Variants in ACKR5 observed in about 807,000 individuals in gnomAD.
ACKR5 encodes G protein-coupled receptor 182.
the ACKR5 span, chr12:56,996,489 TG>T: frequency 2.8e-6 from 4 of 1,452,488 alleles, no homozygotes; most frequent in Non-Finnish European, 3.7e-6. Flanking sequence ...GTGGGAGATT[TG>T]GGGGGATGTA....
At chr12:56,995,605 C>T in the ACKR5 span, 18 of 1,614,046 alleles carry the variant, frequency 1.1e-5, no homozygotes, top group Admixed American at 3.0e-4. The surrounding 1 kb of genome is among the most constrained non-coding windows in gnomAD (Gnocchi z 4.7). Flanking sequence ...CTCACTACTT[C>T]TACTTTGTCA....
the ACKR5 span, chr12:56,995,613 T>G: frequency 6.2e-7 from 1 of 1,614,162 alleles, no homozygotes; most frequent in Non-Finnish European, 8.5e-7. The surrounding 1 kb of genome is among the most constrained non-coding windows in gnomAD (Gnocchi z 4.7). Flanking sequence ...TTCTACTTTG[T>G]CAACATGTAT....
the ACKR5 span, chr12:56,995,375 C>G: frequency 3.1e-6 from 5 of 1,614,232 alleles, no homozygotes; most frequent in Non-Finnish European, 4.2e-6. The surrounding 1 kb of genome is among the most constrained non-coding windows in gnomAD (Gnocchi z 4.7). Flanking sequence ...GCGCGTGGTC[C>G]TCTTTGCCCT....
chr12:56,995,246 GA>G, the ACKR5 span: 2 of 1,613,994 alleles, frequency 1.2e-6, no homozygotes, highest in Non-Finnish European at 1.7e-6. The surrounding 1 kb of genome is among the most constrained non-coding windows in gnomAD (Gnocchi z 4.7). Flanking sequence ...TGGCCCCTCG[GA>G]GGGGGTCACC....
At chr12:56,998,804 C>A in the ACKR5 span, 1 of 152,612 alleles carries the variant, frequency 6.6e-6, no homozygotes, top group Non-Finnish European at 1.5e-5. Context: ...CAGGTATGAG[C>A]ATATTCATAG....
the ACKR5 span, among the ~76,000 whole-genome samples, chr12:56,994,941 G>A: frequency 2.0e-5 from 3 of 151,666 alleles, no homozygotes; most frequent in Non-Finnish European, 2.9e-5. Flanking sequence ...TGGGGGTGGG[G>A]AGAAATGTTG....
chr12:56,996,163 C>T, the ACKR5 span: 2 of 1,614,128 alleles, frequency 1.2e-6, no homozygotes, highest in Non-Finnish European at 1.7e-6. Flanking sequence ...TCAACCCCAT[C>T]CTTTACAACT....
the ACKR5 span, chr12:56,996,036 T>C: frequency 1.9e-6 from 3 of 1,610,902 alleles, no homozygotes; most frequent in South Asian, 2.2e-5. Flanking sequence ...CCCTATCATG[T>C]GACCCTGCTG....
the ACKR5 span, chr12:56,995,227 C>T: frequency 3.1e-6 from 5 of 1,613,256 alleles, no homozygotes; most frequent in Non-Finnish European, 4.2e-6. The surrounding 1 kb of genome is among the most constrained non-coding windows in gnomAD (Gnocchi z 4.7). Context: ...TGAAACCCAG[C>T]TGGGGGCCTG....
the ACKR5 span, chr12:56,996,675 A>C: frequency 6.6e-6 from 3 of 457,102 alleles, no homozygotes; most frequent in African/African-American, 6.0e-5. Context: ...AATGGAAGAG[A>C]TAGCCATGGA....
At chr12:56,994,757 C>T in the ACKR5 span, 4 of 176,898 alleles carry the variant, frequency 2.3e-5, no homozygotes, top group South Asian at 1.3e-4. Context: ...GTGTGGTGTG[C>T]GTGTGTGTGT....
the ACKR5 span, chr12:56,995,374 CCT>C: frequency 6.2e-7 from 1 of 1,614,206 alleles, no homozygotes; most frequent in South Asian, 1.1e-5. The surrounding 1 kb of genome is among the most constrained non-coding windows in gnomAD (Gnocchi z 4.7). Context: ...AGCGCGTGGT[CCT>C]CTTTGCCCTC....
chr12:56,996,611 C>T, the ACKR5 span: 2 of 561,618 alleles, frequency 3.6e-6, no homozygotes, highest in African/African-American at 3.8e-5. Context: ...CAGTGTTGTA[C>T]TATTTGTCTC....
the ACKR5 span, chr12:56,995,521 G>A: frequency 6.2e-7 from 1 of 1,614,166 alleles, no homozygotes; most frequent in East Asian, 2.2e-5. The surrounding 1 kb of genome is among the most constrained non-coding windows in gnomAD (Gnocchi z 4.7). Flanking sequence ...GCATTGTCCT[G>A]TCTCTGCCCG....
the ACKR5 span, chr12:56,996,856 T>TACGGCGACCACCGA: frequency 1.2e-5 from 2 of 163,568 alleles, no homozygotes; most frequent in South Asian, 1.8e-4. Flanking sequence ...GTGAGCTTGT[T>TACGGCGACCACCGA]GATCTTCCAG....
chr12:56,995,853 C>G, the ACKR5 span: 1 of 1,613,306 alleles, frequency 6.2e-7, no homozygotes, highest in Non-Finnish European at 8.5e-7. This position sits in a 1 kb window ranked among gnomAD's most constrained non-coding sequence, Gnocchi z 4.7. Context: ...AGCACCTGGG[C>G]CCTGGCGGTG....
At chr12:56,998,468 G>A in the ACKR5 span, 5 of 152,248 alleles carry the variant, frequency 3.3e-5, 1 homozygote, top group African/African-American at 1.2e-4. Context: ...AATCTGCCTC[G>A]CTCCACTCAA....
chr12:56,996,138 T>G, the ACKR5 span: 1 of 1,613,990 alleles, frequency 6.2e-7, no homozygotes, highest in African/African-American at 1.3e-5. Flanking sequence ...TGCTTCTCCA[T>G]GCTGCACTGT....
chr12:56,995,926 G>A, the ACKR5 span: 1 of 1,613,158 alleles, frequency 6.2e-7, no homozygotes, highest in Non-Finnish European at 8.5e-7. The surrounding 1 kb of genome is among the most constrained non-coding windows in gnomAD (Gnocchi z 4.7). Flanking sequence ...TCTTCAATGT[G>A]CTGACAGCCT....
Sources: gnomAD v4.1 joint callset for allele counts (sites outside exome capture counted in the v4.1 genomes callset) on GRCh38, gnomAD v4.1.1 for gene constraint, Gnocchi (gnomAD v3.1) non-coding constraint, MANE v1.5 for transcripts, NCBI Gene and HGNC (gene_info 2026-07-23, HGNC 2026-07-21) for gene names.